PKN3: variants seen among roughly 807,000 people sequenced by gnomAD.
The protein encoded by PKN3 is serine/threonine-protein kinase N3.
PKN3 carries 91 observed loss-of-function variants against 113.1 expected under a neutral mutation model. The ratio of observed to expected loss-of-function variants is 0.80; its 90% CI spans 0.68 to 0.96. The LOEUF is 0.96. Among genes scored for constraint, PKN3 ranks in the 40% least tolerant of loss-of-function variants. PKN3 has a pLI of 0.00. For missense variants in PKN3, 1,052 were observed against 1,202.2 expected, an observed-to-expected ratio of 0.88 and a Z score of 1.85; for synonymous variants, 467 against 499.0, an observed-to-expected ratio of 0.94 and a Z score of 0.85.
At position 128,715,806 on chromosome 9, in the gene PKN3, G is replaced by T. The variant is rs907210430; in HGVS notation, c.1808+346G>T. Among the ~76,000 whole-genome samples, 1 of 152,062 alleles carries T rather than the reference G, an allele frequency of 6.6e-6. No individual in the cohort carries two copies. Among genetic ancestry groups the T allele is most frequent in the African/African-American group, 2.4e-5 (1 of 41,392 alleles). ...AGGCAGGCGGATCACTTGAGTCCAG[G>T]AGTTCAAGACCAATCTGAATCACAT... is the stretch of plus-strand genomic sequence containing the variant. On this transcript the variant is annotated intron_variant, in intron 15 of 21. Transcript: ENST00000291906. This position sits in a 1 kb window ranked among gnomAD's most constrained non-coding sequence, Gnocchi z 4.1.
Position 128,716,937 on chromosome 9 carries a change from C to T in PKN3, c.1985+14C>T. 2 of 1,610,940 alleles carry T rather than the reference C, an allele frequency of 1.2e-6. No homozygotes were observed. The highest frequency in any genetic ancestry group is 1.7e-6 in the Non-Finnish European group (2 of 1,177,622). On this transcript the variant is annotated intron_variant, in intron 16 of 21. Transcript: ENST00000291906. ...GCCCCAGGCCCGGTGGGTTCCATCCCTCCTGCCTGCCTCTTCCAGCAAACT... is the reference window on the plus strand; with the variant it reads ...GCCCCAGGCCCGGTGGGTTCCATCCTTCCTGCCTGCCTCTTCCAGCAAACT...
At chr9:128,716,191 G>C (rs149184637) in intron 15 of PKN3, among the ~76,000 whole-genome samples, 1 of 145,746 alleles carries the variant, frequency 6.9e-6, no homozygotes, top group African/African-American at 2.6e-5. Context: ...CCAGCTACTC[G>C]TGAAGCTGTG....
chr9:128,713,054 A>T lies in PKN3; in HGVS notation c.838A>T (p.Thr280Ser), dbSNP rs776823760. 1.9e-6 allele frequency: 3 copies of T among 1,602,220 alleles called. No homozygotes were observed. Among genetic ancestry groups the T allele is most frequent in the Non-Finnish European group, 2.6e-6 (3 of 1,172,582 alleles). The stretch of plus-strand genomic sequence containing the variant: ...CCCCCCGCTCACTCTCCCCACAGGG[A>T]CACTGCAGGTCCGCCTCCTGGGCTG... ...TPVKPTALTG[T>S]LQVRLLGCEQ... Residue 280 changes from threonine to serine, a missense_variant and splice_region_variant, in exon 7 of 22, where the codon ACA becomes TCA. By Grantham distance (58) the Thr-to-Ser change is moderately conservative. Transcript: ENST00000291906.
chr9:128,705,322 C>G lies in PKN3; in HGVS notation c.44C>G (p.Pro15Arg), dbSNP rs1861976179. 6.4e-7 allele frequency: 1 copy of G among 1,559,694 alleles called. No homozygotes were observed. Among genetic ancestry groups the G allele is most frequent in the African/African-American group, 1.4e-5 (1 of 73,550 alleles). The change falls in exon 2 of 22, where the codon CCC (proline) becomes CGC (arginine). Residue 15 changes from proline (P) to arginine (R), a missense_variant. Physicochemically the swap from Pro to Arg is moderately radical, Grantham distance 103. Coordinates refer to ENST00000291906, the MANE Select transcript of PKN3 (RefSeq NM_013355.5). ...APRQPGPSQW[P>R]PEDEKEVIRR... Reference sequence around the variant, plus strand: ...CTGCAGCCTGGGCCGAGCCAGTGGCCCCCAGAGGATGAGAAGGAGGTGATC... The same window carrying G: ...CTGCAGCCTGGGCCGAGCCAGTGGCGCCCAGAGGATGAGAAGGAGGTGATC...
At chr9:128,704,321 CCCGGAGA>C in intron 1 of PKN3, among the ~76,000 whole-genome samples, 1 of 152,302 alleles carries the variant, frequency 6.6e-6, no homozygotes, top group East Asian at 1.9e-4. Flanking sequence ...GGAGTGGGCA[CCCGGAGA>C]CCTCCCCAGT....
chr9:128,714,937 A>G lies in PKN3; in HGVS notation c.1652+72A>G. The G allele has an allele frequency of 2.8e-6, 4 of 1,426,800 alleles. No homozygotes were observed. The Admixed American group carries it at 5.0e-5, about 18-fold the overall frequency. The allele number at this position is 1,426,800 out of a possible 1,614,324, so 88.4% of individuals were successfully genotyped here. On this transcript the variant is annotated intron_variant, in intron 13 of 21. Transcript: ENST00000291906. ...CTTGAACATTTGTGTATCCATTCAT[A>G]CATTACTCCCTGGCTCCCTGGCGGG...
chr9:128,714,996 A>G, intron 13 of PKN3, 131 bp downstream of exon 13: 1 of 1,074,062 alleles, frequency 9.3e-7, no homozygotes, highest in Non-Finnish European at 1.4e-6. Context: ...TGATTTACTA[A>G]ACCCACATTA....
chr9:128,706,497 G>A (rs1445285613), intron 3 of PKN3, among the ~76,000 whole-genome samples: 1 of 152,244 alleles, frequency 6.6e-6, no homozygotes, highest in Non-Finnish European at 1.5e-5. Flanking sequence ...GCCGTGATAT[G>A]AAAGAGGAAA....
At position 128,719,192 on chromosome 9, in the gene PKN3, G is replaced by A. The variant is rs534556781; in HGVS notation, c.2126-494G>A. Among the ~76,000 whole-genome samples the A allele has an allele frequency of 7.2e-5, 10 of 139,218 alleles. No individual in the cohort carries two copies. The East Asian group carries it at 1.9e-3, about 27-fold the overall frequency. 91.3% of individuals were successfully genotyped at this position (139,218 alleles called of 152,430 possible). A position where few individuals can be genotyped will look rare whatever the true frequency, so the allele number is the denominator to read the frequency against. Reference sequence around the variant, plus strand: ...ATTACAGGCGTGAGCCACTGCGCCCGGCTTCTTTTTTTTTTGAGATGGAGT... The same window carrying A: ...ATTACAGGCGTGAGCCACTGCGCCCAGCTTCTTTTTTTTTTGAGATGGAGT... On this transcript the variant is annotated intron_variant, in intron 18 of 21. Coordinates refer to ENST00000291906, the MANE Select transcript of PKN3 (RefSeq NM_013355.5).
At chr9:128,709,083 A>C (rs1211047262) in intron 6 of PKN3, among the ~76,000 whole-genome samples, 1 of 151,538 alleles carries the variant, frequency 6.6e-6, no homozygotes, top group Non-Finnish European at 1.5e-5. Context: ...CAGGAGATCG[A>C]GACCATCCTG....
chr9:128,702,869 G>A lies in PKN3; in HGVS notation c.-47G>A, dbSNP rs955817256. 3 of 1,407,374 alleles carry A rather than the reference G, an allele frequency of 2.1e-6. No individual in the cohort carries two copies. Among genetic ancestry groups the A allele is most frequent in the Non-Finnish European group, 1.9e-6 (2 of 1,043,600 alleles). The allele number at this position is 1,407,374 out of a possible 1,614,324, so 87.2% of individuals were successfully genotyped here. On this transcript the variant is annotated 5_prime_UTR_variant, in exon 1 of 22. Coordinates refer to ENST00000291906, the MANE Select transcript of PKN3 (RefSeq NM_013355.5). The stretch of plus-strand genomic sequence containing the variant: ...CCTGGCGGAGGGTCTGCGGCTTCCG[G>A]GACCGGAGTGGCTGAGAGAAGGGCC...
chr9:128,705,366 G>A lies in PKN3; in HGVS notation c.88G>A (p.Glu30Lys). The A allele has an allele frequency of 6.3e-7, 1 of 1,594,572 alleles. No homozygotes were observed. The highest frequency in any genetic ancestry group is 1.3e-5 in the African/African-American group (1 of 74,630). ...KEVIRRAIQKELKIKEGVENL... is the reference protein window; with the variant it reads ...KEVIRRAIQKKLKIKEGVENL... ...GGTGATCCGCCGGGCCATCCAGAAA[G>A]AGCTGAAGATCAAGGAGGGGGTGGA... The change falls in exon 2 of 22, where the codon GAG becomes AAG. Residue 30 changes from glutamate to lysine, a missense_variant. Physicochemically the swap from Glu to Lys is moderately conservative, Grantham distance 56 (BLOSUM62 1). Around this residue, in one of 2 missense-constraint regions of PKN3, gnomAD observed 719 missense variants for 759.4 expected, o/e 0.95. Coordinates refer to ENST00000291906, the MANE Select transcript of PKN3 (RefSeq NM_013355.5).
chr9:128,705,589 C>T lies in PKN3; in HGVS notation c.265+46C>T, dbSNP rs1007743958. The T allele has an allele frequency of 4.5e-6, 7 of 1,547,054 alleles. No individual in the cohort carries two copies. In the African/African-American group the frequency reaches 9.6e-5, roughly 21 times the overall value. ...CCCTCAGGACAGAAGGCTCTAGGCC[C>T]ATCTGGCCCCTGGCCTTGGCCCTGG... On this transcript the variant is annotated intron_variant, in intron 2 of 21. Coordinates refer to ENST00000291906, the MANE Select transcript of PKN3 (RefSeq NM_013355.5).
At chr9:128,712,956 C>T in intron 6 of PKN3, 96 bp from the exon 7 acceptor site, 1 of 1,351,876 alleles carries the variant, frequency 7.4e-7, no homozygotes, top group Non-Finnish European at 1.0e-6. Context: ...TCAGCCACCT[C>T]CTGGAGAGGG....
chr9:128,720,897 A>G lies in PKN3; in HGVS notation c.*291A>G, dbSNP rs1395211206. 12 of 563,894 alleles carry G rather than the reference A, an allele frequency of 2.1e-5. No homozygotes were observed. Among genetic ancestry groups the G allele is most frequent in the Non-Finnish European group, 3.4e-5 (11 of 320,374 alleles). 34.9% of individuals were successfully genotyped at this position (563,894 alleles called of 1,614,324 possible). ...GTCTTTTTAAGACTGGACTTGCTTT[A>G]TATTAAATTTGTAAAAGTGTGCACT... On this transcript the variant is annotated 3_prime_UTR_variant, in exon 22 of 22. Coordinates refer to ENST00000291906, the MANE Select transcript of PKN3 (RefSeq NM_013355.5). The surrounding 1 kb of genome is among the most constrained non-coding windows in gnomAD (Gnocchi z 5.5).
intron 6 of PKN3, among the ~76,000 whole-genome samples, chr9:128,712,510 G>T (rs1236411482): frequency 6.6e-6 from 1 of 152,172 alleles, no homozygotes; most frequent in Non-Finnish European, 1.5e-5. Context: ...CAGGGAGCAG[G>T]TGGGTCCGGA....
intron 6 of PKN3, 47 bp downstream of exon 6, chr9:128,707,452 G>T (rs1387871660): frequency 2.7e-6 from 4 of 1,505,902 alleles, no homozygotes; most frequent in East Asian, 4.6e-5. Flanking sequence ...CTTTTTGGGG[G>T]GAGGCCGGAA....
intron 6 of PKN3, among the ~76,000 whole-genome samples, chr9:128,711,096 C>T (rs1409771059): frequency 1.3e-5 from 2 of 151,946 alleles, no homozygotes; most frequent in African/African-American, 4.8e-5. Context: ...ACCTCCGCCT[C>T]CCGGGTTCAA....
chr9:128,720,493 A>G lies in PKN3; in HGVS notation c.2557A>G (p.Thr853Ala). ...ADLRYFEGEFTGLPPALTPPA... is the reference protein window; with the variant it reads ...ADLRYFEGEFAGLPPALTPPA... ...CCTGCGCTACTTTGAGGGCGAGTTC[A>G]CAGGGCTGCCGCCTGCCCTGACCCC... Residue 853 changes from threonine (T) to alanine (A), a missense_variant, in exon 22 of 22, where the codon ACA becomes GCA. By Grantham distance (58) the Thr-to-Ala change is moderately conservative. Around this residue, in one of 2 missense-constraint regions of PKN3, gnomAD observed 333 missense variants for 442.8 expected, o/e 0.75. Transcript: ENST00000291906. This position sits in a 1 kb window ranked among gnomAD's most constrained non-coding sequence, Gnocchi z 5.5. The G allele has an allele frequency of 6.2e-7, 1 of 1,613,106 alleles. No homozygotes were observed. Among genetic ancestry groups the G allele is most frequent in the South Asian group, 1.1e-5 (1 of 91,084 alleles).
Sources: allele counts gnomAD v4.1 joint callset (sites outside exome capture counted in the v4.1 genomes callset), GRCh38; gene constraint gnomAD v4.1.1; regional missense constraint gnomAD v4.1.1; non-coding constraint Gnocchi (gnomAD v3.1); transcripts MANE v1.5; gene names NCBI Gene and HGNC (gene_info 2026-07-23, HGNC 2026-07-21).